Variants in BTN3A2 observed in about 807,000 individuals in gnomAD.
BTN3A2 encodes butyrophilin subfamily 3 member A2.
In BTN3A2, 25 loss-of-function variants were observed where a neutral mutation model predicts 37.6. That is an observed-to-expected ratio of 0.66 (90% CI 0.48 to 0.93). The LOEUF (loss-of-function observed/expected upper bound fraction) is 0.93, where lower values mean the gene tolerates loss of function less well. Among genes scored for constraint, BTN3A2 ranks in the 40% least tolerant of loss-of-function variants. The pLI, the probability that BTN3A2 is intolerant of heterozygous loss-of-function variation, is 0.00. For missense variants in BTN3A2, 266 were observed against 410.9 expected (o/e 0.65, Z 3.05); for synonymous variants, 122 against 159.4 (o/e 0.77, Z 1.77).
At chr6:26,373,630 C>T in intron 8 of BTN3A2, 1 of 483,242 alleles carries the variant, frequency 2.1e-6, no homozygotes. Context: ...TCTCTTTGTA[C>T]TAGGGGCTAC....
chr6:26,365,474 C>CTGTGTGTGTGTGTGTGTGTG (rs55949951), intron 1 of BTN3A2, 122 bp downstream of exon 1: 5 of 550,826 alleles, frequency 9.1e-6, no homozygotes, highest in African/African-American at 6.2e-5. Flanking sequence ...GGTGCAGTGC[C>CTGTGTGTGTGTGTGTGTGTG]TGTGTGTGTG....
At position 26,370,533 on chromosome 6, in the gene BTN3A2, G is replaced by T; in HGVS notation, c.645G>T (p.Gly215=). The T allele has an allele frequency of 6.2e-7, 1 of 1,614,238 alleles. No individual in the cohort carries two copies. The highest frequency in any genetic ancestry group is 8.5e-7 in the Non-Finnish European group (1 of 1,180,044). ...CTGTGATCATGAGAGGCGGCTCCGG[G>T]GAGGGTGTATCCTGCATCATCAGAA... The part of the protein sequence containing the change: ...AASVIMRGGS[G]EGVSCIIRNS... Residue 215 remains glycine (G), a synonymous_variant, in exon 5 of 11, where the codon GGG becomes GGT. Coordinates refer to ENST00000377708, the MANE Select transcript of BTN3A2 (RefSeq NM_007047.5).
intron 9 of BTN3A2, 89 bp downstream of exon 9, chr6:26,374,462 AT>A (rs1269332375): frequency 7.3e-7 from 1 of 1,377,628 alleles, no homozygotes; most frequent in Non-Finnish European, 1.0e-6. Context: ...ATTAGATCTA[AT>A]CTAAAGACTC....
chr6:26,373,081 G>T lies in BTN3A2; in HGVS notation c.900G>T (p.Arg300=). 1.9e-6 allele frequency: 3 copies of T among 1,613,950 alleles called. No homozygotes were observed. The South Asian group carries it at 3.3e-5, about 18-fold the overall frequency. ...AAATGGGATATGCTGCAACAGAGCG[G>T]GAAATAAGCCTAAGAGGTATCCAAC... ...MKEMGYAATE[R]EISLRESLQE... The change falls in exon 6 of 11, where the codon CGG becomes CGT. Residue 300 remains arginine, a synonymous_variant. Coordinates refer to ENST00000377708, the MANE Select transcript of BTN3A2 (RefSeq NM_007047.5).
rs374368953 is a variant in BTN3A2 at position 26,368,608 on chromosome 6, G to A, written c.129G>A (p.Met43Ile). 52 of 1,614,022 alleles carry A rather than the reference G, an allele frequency of 3.2e-5. No individual in the cohort carries two copies. The African/African-American group carries it at 3.7e-4, about 12-fold the overall frequency. Reference sequence around the variant, plus strand: ...GACCCTCTGGGCCCATCCTGGCCATGGTGGGTGAAGACGCTGATCTGCCCT... The same window carrying A: ...GACCCTCTGGGCCCATCCTGGCCATAGTGGGTGAAGACGCTGATCTGCCCT... ...VLGPSGPILA[M>I]VGEDADLPCH... is the part of the protein sequence containing the mutation. Residue 43 changes from methionine to isoleucine, a missense_variant, in exon 4 of 11, where the codon ATG (methionine) becomes ATA (isoleucine). This residue lies in a region of BTN3A2 where 47 missense variants were observed against 77.3 expected (regional missense o/e 0.61). Transcript: ENST00000377708.
intron 6 of BTN3A2, 41 bp from the exon 7 acceptor site, chr6:26,373,232 TTCA>T (rs761337176): frequency 1.3e-6 from 2 of 1,568,022 alleles, no homozygotes; most frequent in Non-Finnish European, 1.7e-6. Flanking sequence ...CCCATAACAG[TTCA>T]TCTTTTTTTT....
rs1402305144 is a variant in BTN3A2, at chr6:26,368,660, G to T, written c.181G>T (p.Glu61Ter). ...PCHLFPTMSA[E>*]TMELKWVSSS... ...TCACCTGTTCCCGACCATGAGTGCA[G>T]AGACCATGGAGCTGAAGTGGGTAAG... Residue 61 changes from glutamate (E) to a stop codon, truncating the protein, a stop_gained, in exon 4 of 11, where the codon GAG becomes TAG. Transcript: ENST00000377708. LOFTEE classifies it high-confidence loss of function. 1.2e-6 allele frequency: 2 copies of T among 1,614,078 alleles called. No homozygotes were observed. The highest frequency in any genetic ancestry group is 2.2e-5 in the South Asian group (2 of 91,084).
rs533385695 is a variant in BTN3A2 at position 26,374,830 on chromosome 6, A to T, written c.*34+32A>T. On this transcript the variant is annotated intron_variant, in intron 10 of 10. Coordinates refer to ENST00000377708, the MANE Select transcript of BTN3A2 (RefSeq NM_007047.5). ...AAATCACTGCATGTTCCCTGGACCA[A>T]CAACCTGAGGGACTATATTCCTTTT... 4.0e-6 allele frequency: 6 copies of T among 1,503,976 alleles called. No homozygotes were observed. In the East Asian group the frequency reaches 1.1e-4, roughly 28 times the overall value. The allele number at this position is 1,503,976 out of a possible 1,614,324, so 93.2% of individuals were successfully genotyped here. A position where few individuals can be genotyped will look rare whatever the true frequency, so the allele number is the denominator to read the frequency against.
chr6:26,373,391 GAAA>G lies in BTN3A2; in HGVS notation c.947_949del (p.Lys316del). The G allele has an allele frequency of 6.3e-7, 1 of 1,599,662 alleles. No homozygotes were observed. The highest frequency in any genetic ancestry group is 8.5e-7 in the Non-Finnish European group (1 of 1,175,806). The stretch of plus-strand genomic sequence containing the variant: ...TCCCTGTTCATTCCATTGCAGAGAG[GAAA>G]AAAATCCAGTACTTGACTCGTGAGT... On this transcript the variant is annotated inframe_deletion, in exon 8 of 11. Transcript: ENST00000377708.
At chr6:26,368,478 T>A in intron 3 of BTN3A2, 87 bp from the exon 4 acceptor site, 7 of 1,600,832 alleles carry the variant, frequency 4.4e-6, no homozygotes, top group Non-Finnish European at 6.0e-6. Flanking sequence ...GTTCTCTGTA[T>A]CTCGCCTTCC....
Position 26,377,108 on chromosome 6 carries a change from G to T in BTN3A2, c.*1346G>T. ...CCGTTTGCCCAATACCAAAAGTAGAGAGTTCCCCCGATCCCGACCTAGTGC... is the reference window on the plus strand; with the variant it reads ...CCGTTTGCCCAATACCAAAAGTAGATAGTTCCCCCGATCCCGACCTAGTGC... On this transcript the variant is annotated 3_prime_UTR_variant, in exon 11 of 11. Coordinates refer to ENST00000377708, the MANE Select transcript of BTN3A2 (RefSeq NM_007047.5). 7.6e-7 allele frequency: 1 copy of T among 1,320,894 alleles called. No individual in the cohort carries two copies. The highest frequency in any genetic ancestry group is 1.1e-6 in the Non-Finnish European group (1 of 913,956). 81.8% of individuals were successfully genotyped at this position (1,320,894 alleles called of 1,614,324 possible).
chr6:26,377,230 C>T lies in BTN3A2; in HGVS notation c.*1468C>T. On this transcript the variant is annotated 3_prime_UTR_variant, in exon 11 of 11. Coordinates refer to ENST00000377708, the MANE Select transcript of BTN3A2 (RefSeq NM_007047.5). ...ACATCTCTGCTTCTCCCTGCCCAGC[C>T]TGGAGCTAAGGGTCTCACCCTCCAC... 1.0e-6 allele frequency: 1 copy of T among 997,600 alleles called. No homozygotes were observed. Among genetic ancestry groups the T allele is most frequent in the African/African-American group, 1.6e-5 (1 of 63,484 alleles). 61.8% of individuals were successfully genotyped at this position (997,600 alleles called of 1,614,324 possible). A position where few individuals can be genotyped will look rare whatever the true frequency, so the allele number is the denominator to read the frequency against.
rs927880142 is a variant in BTN3A2 at position 26,376,755 on chromosome 6, G to A, written c.*993G>A. 3.7e-6 allele frequency: 6 copies of A among 1,605,572 alleles called. No individual in the cohort carries two copies. The African/African-American group carries it at 8.0e-5, about 21-fold the overall frequency. ...AGAGAGACACTACTGGGAGGTGGAAGTGGGGGACAGAAAAGAGTGGCATAT... is the reference window on the plus strand; with the variant it reads ...AGAGAGACACTACTGGGAGGTGGAAATGGGGGACAGAAAAGAGTGGCATAT... On this transcript the variant is annotated 3_prime_UTR_variant, in exon 11 of 11. Coordinates refer to ENST00000377708, the MANE Select transcript of BTN3A2 (RefSeq NM_007047.5).
At position 26,368,244 on chromosome 6, in the gene BTN3A2, T is replaced by C. The variant is rs1406269370; in HGVS notation, c.62T>C (p.Val21Ala). 6.2e-7 allele frequency: 1 copy of C among 1,614,240 alleles called. No homozygotes were observed. Among genetic ancestry groups the C allele is most frequent in the East Asian group, 2.2e-5 (1 of 44,884 alleles). Residue 21 changes from valine to alanine, a missense_variant, in exon 3 of 11, where the codon GTC (valine) becomes GCC (alanine). Physicochemically the swap from Val to Ala is moderately conservative, Grantham distance 64. Coordinates refer to ENST00000377708, the MANE Select transcript of BTN3A2 (RefSeq NM_007047.5). ...LLNFHVSLLL[V>A]QLLTPCSAQF... is the part of the protein sequence containing the mutation. ...AACTTTCATGTCTCCCTCCTCTTGGTCCAGCTGCTCACTCCTTGCTCAGGT... is the reference window on the plus strand; with the variant it reads ...AACTTTCATGTCTCCCTCCTCTTGGCCCAGCTGCTCACTCCTTGCTCAGGT...
intron 1 of BTN3A2, among the ~76,000 whole-genome samples, chr6:26,366,602 T>C (rs1221066669): frequency 6.6e-6 from 1 of 152,180 alleles, no homozygotes; most frequent in Non-Finnish European, 1.5e-5. Flanking sequence ...TCCTTCTCCT[T>C]AGGAGAATAA....
chr6:26,365,324 C>T lies in BTN3A2; in HGVS notation c.-95C>T, dbSNP rs1316987522. 1 of 1,535,744 alleles carries T rather than the reference C, an allele frequency of 6.5e-7. No homozygotes were observed. The highest frequency in any genetic ancestry group is 1.4e-5 in the African/African-American group (1 of 73,034). On this transcript the variant is annotated 5_prime_UTR_variant, in exon 1 of 11. Transcript: ENST00000377708. ...TGATTGACCGTCTTTATTCTGTGGG[C>T]TCTGATTCTCCAATGGGAATACCAA...
Position 26,377,092 on chromosome 6 carries a change from C to T in BTN3A2, c.*1330C>T. 7.5e-7 allele frequency: 1 copy of T among 1,339,878 alleles called. No individual in the cohort carries two copies. The highest frequency in any genetic ancestry group is 1.1e-6 in the Non-Finnish European group (1 of 931,370). 83.0% of individuals were successfully genotyped at this position (1,339,878 alleles called of 1,614,324 possible). On this transcript the variant is annotated 3_prime_UTR_variant, in exon 11 of 11. Coordinates refer to ENST00000377708, the MANE Select transcript of BTN3A2 (RefSeq NM_007047.5). ...GAGCCCACTGCCCTGACCGTTTGCC[C>T]AATACCAAAAGTAGAGAGTTCCCCC...
chr6:26,375,367 A>G lies in BTN3A2; in HGVS notation c.*35-430A>G, dbSNP rs1353423720. On this transcript the variant is annotated intron_variant, in intron 10 of 10. Coordinates refer to ENST00000377708, the MANE Select transcript of BTN3A2 (RefSeq NM_007047.5). ...CTAAAAAGGGGAGGCAATTACTGGA[A>G]CCCAGAGAAAGAGGTAGCTTAACGA... The G allele has an allele frequency of 8.5e-5, 33 of 389,710 alleles. 2 individuals are homozygous for G. The highest frequency in any genetic ancestry group is 1.2e-4 in the Non-Finnish European group (26 of 210,372). 24.1% of individuals were successfully genotyped at this position (389,710 alleles called of 1,614,324 possible).
rs1396736042 is a variant in BTN3A2, at chr6:26,372,390, T to A, written c.716-507T>A. ...TTACCCTCATTTTACATTAGTAGAT[T>A]AGGCCACTACAAACAGAGAGGTTAT... On this transcript the variant is annotated intron_variant, in intron 5 of 10. Coordinates refer to ENST00000377708, the MANE Select transcript of BTN3A2 (RefSeq NM_007047.5). 4.6e-5 allele frequency among the ~76,000 whole-genome samples: 7 copies of A among 152,310 alleles called. No individual in the cohort carries two copies. The East Asian group carries it at 1.4e-3, about 29-fold the overall frequency.
Sources: allele counts gnomAD v4.1 joint callset (sites outside exome capture counted in the v4.1 genomes callset), GRCh38; gene constraint gnomAD v4.1.1; regional missense constraint gnomAD v4.1.1; transcripts MANE v1.5; gene names NCBI Gene and HGNC (gene_info 2026-07-23, HGNC 2026-07-21).